The following PNPT1 variants were observed in gnomAD, a reference collection of about 807,000 sequenced individuals.
The protein encoded by PNPT1 is polyribonucleotide nucleotidyltransferase 1, mitochondrial.
Under a neutral mutation model 119.5 loss-of-function variants are expected in PNPT1, and 53 were observed. The ratio of observed to expected loss-of-function variants is 0.44; its 90% CI spans 0.36 to 0.56. The LOEUF is 0.56. PNPT1 is among the 20% of genes least tolerant of loss of function. The probability of loss-of-function intolerance (pLI) is 0.00; values close to 1 mark genes in which losing one functional copy is unlikely to be tolerated. For synonymous variants in PNPT1, 357 were observed against 322.1 expected, an observed-to-expected ratio of 1.11 and a Z score of -1.16; for missense variants, 948 against 938.5, an observed-to-expected ratio of 1.01 and a Z score of -0.13.
chr2:55,681,152 A>G lies in PNPT1; in HGVS notation c.454-234T>C, dbSNP rs138443830. Among the ~76,000 whole-genome samples the G allele has an allele frequency of 4.9e-3, 739 of 152,312 alleles. 13 individuals carry two copies. The East Asian group carries it at 0.06, about 12-fold the overall frequency. ...CCAGGCGTGGTGGCTCACGCCTGTA[A>G]TCTCAGCACTTTGGGAGGCTGAGGA... is the stretch of plus-strand genomic sequence containing the variant. On this transcript the variant is annotated intron_variant, in intron 5 of 27. Coordinates refer to ENST00000447944, the MANE Select transcript of PNPT1 (RefSeq NM_033109.5).
At chr2:55,677,766 G>C (rs1304876022) in intron 8 of PNPT1, among the ~76,000 whole-genome samples, 18 of 151,780 alleles carry the variant, frequency 1.2e-4, no homozygotes, top group Non-Finnish European at 2.4e-4. Context: ...TTGAGACAGA[G>C]TCTCGCTCTG....
In PNPT1 at chr2:55,659,010, G is replaced by A. The variant is rs142091451; in HGVS notation, c.1284+1147C>T. Among the ~76,000 whole-genome samples, 470 of 152,194 alleles carry A rather than the reference G, an allele frequency of 3.1e-3. 1 individual carries two copies. Among genetic ancestry groups the A allele is most frequent in the Non-Finnish European group, 5.0e-3 (339 of 68,006 alleles). On this transcript the variant is annotated intron_variant, in intron 15 of 27. Transcript: ENST00000447944. ...CACTCTGTTGCCCAGGCTGAAGTGCGGCGGAGTGATAATGGCTTGCTGCAT... is the reference window on the plus strand; with the variant it reads ...CACTCTGTTGCCCAGGCTGAAGTGCAGCGGAGTGATAATGGCTTGCTGCAT...
chr2:55,660,139 G>A lies in PNPT1; in HGVS notation c.1284+18C>T, dbSNP rs1559097529. ...ATTAATTTATTAATAAAATTTTGAG[G>A]AAAAAAATTCACCTTACCTCGTAGT... On this transcript the variant is annotated intron_variant, in intron 15 of 27. Transcript: ENST00000447944. 6.4e-7 allele frequency: 1 copy of A among 1,567,798 alleles called. No homozygotes were observed. The highest frequency in any genetic ancestry group is 2.3e-5 in the East Asian group (1 of 43,606).
Position 55,654,909 on chromosome 2 carries a change from T to C in PNPT1, c.1486A>G (p.Met496Val). 6.2e-7 allele frequency: 1 copy of C among 1,613,220 alleles called. No individual in the cohort carries two copies. Among genetic ancestry groups the C allele is most frequent in the Non-Finnish European group, 8.5e-7 (1 of 1,179,502 alleles). The stretch of plus-strand genomic sequence containing the variant: ...GACATAATTCTTTTACCTGAATCCA[T>C]TAATGCTAAACTTCCGCCACATGCA... ...ASACGGSLALMDSGVPISSAV... is the reference protein window; with the variant it reads ...ASACGGSLALVDSGVPISSAV... Residue 496 changes from methionine to valine, a missense_variant, in exon 18 of 28, where the codon ATG becomes GTG. Transcript: ENST00000447944.
intron 19 of PNPT1, among the ~76,000 whole-genome samples, chr2:55,646,764 C>T (rs904284072): frequency 1.3e-5 from 2 of 150,556 alleles, no homozygotes; most frequent in African/African-American, 2.4e-5. Flanking sequence ...ATTATGAATA[C>T]TTACACTGTG....
chr2:55,654,944 G>A lies in PNPT1; in HGVS notation c.1451C>T (p.Ser484Phe). ...ACTTCCGCCACATGCAGATGCCATA[G>A]AAGATGACCCTATAGAAAGAAAAAT... ...SEVLESNGSS[S>F]MASACGGSLA... Residue 484 changes from serine (S) to phenylalanine (F), a missense_variant, in exon 18 of 28, where the codon TCT becomes TTT. Coordinates refer to ENST00000447944, the MANE Select transcript of PNPT1 (RefSeq NM_033109.5). 1 of 1,613,148 alleles carries A rather than the reference G, an allele frequency of 6.2e-7. No homozygotes were observed. The highest frequency in any genetic ancestry group is 8.5e-7 in the Non-Finnish European group (1 of 1,179,500).
intron 23 of PNPT1, 46 bp downstream of exon 23, chr2:55,644,591 G>T (rs753496049): frequency 7.1e-7 from 1 of 1,398,830 alleles, no homozygotes; most frequent in South Asian, 1.2e-5. Context: ...AAACTTTTAT[G>T]GTCTAGCATT....
At chr2:55,672,067 T>C (rs764020803) in intron 9 of PNPT1, 21 bp from the exon 10 acceptor site, 25 of 1,556,366 alleles carry the variant, frequency 1.6e-5, no homozygotes, top group Non-Finnish European at 1.6e-5. Flanking sequence ...AGAAAATAAA[T>C]GTTAGCATAA....
intron 19 of PNPT1, among the ~76,000 whole-genome samples, 161 bp downstream of exon 19, chr2:55,647,186 G>A (rs747488082): frequency 6.6e-5 from 10 of 151,870 alleles, no homozygotes; most frequent in Non-Finnish European, 1.3e-4. Context: ...GAGGAGGAAG[G>A]GAAGAACAAG....
At position 55,654,842 on chromosome 2, in the gene PNPT1, C is replaced by T. The variant is rs1473143614; in HGVS notation, c.1495+58G>A. On this transcript the variant is annotated intron_variant, in intron 18 of 27. Coordinates refer to ENST00000447944, the MANE Select transcript of PNPT1 (RefSeq NM_033109.5). ...CCTCCTGCCTTGGCCTCCCAAGGCT[C>T]ATGCCTGGGATTACAGGCATGAGCA... 17 of 1,353,796 alleles carry T rather than the reference C, an allele frequency of 1.3e-5. No homozygotes were observed. The Admixed American group carries it at 2.9e-4, about 23-fold the overall frequency. The allele number at this position is 1,353,796 out of a possible 1,614,324, so 83.9% of individuals were successfully genotyped here. A position where few individuals can be genotyped will look rare whatever the true frequency, so the allele number is the denominator to read the frequency against.
At chr2:55,654,055 G>A (rs1400279322) in intron 18 of PNPT1, among the ~76,000 whole-genome samples, 1 of 152,066 alleles carries the variant, frequency 6.6e-6, no homozygotes, top group African/African-American at 2.4e-5. Context: ...TCAGGAGTTC[G>A]AGGTCAGCCT....
At chr2:55,687,543 A>T (rs1471980252) in intron 2 of PNPT1, 102 bp downstream of exon 2, 1 of 823,902 alleles carries the variant, frequency 1.2e-6, no homozygotes, top group Non-Finnish European at 1.9e-6. Context: ...ATTAATTTCC[A>T]GTACCAAAAT....
intron 26 of PNPT1, 53 bp downstream of exon 26, chr2:55,640,574 A>G (rs962728952): frequency 2.2e-6 from 3 of 1,388,786 alleles, no homozygotes; most frequent in Non-Finnish European, 3.1e-6. Flanking sequence ...TAATTTCAAT[A>G]CAGTGTTTCA....
At chr2:55,660,614 T>G (rs10496044) in intron 14 of PNPT1, among the ~76,000 whole-genome samples, 21,593 of 152,154 alleles carry the variant, frequency 0.14, 3,126 homozygotes, top group African/African-American at 0.37. Context: ...GATCATAAAC[T>G]GTAGCTTTGG....
intron 26 of PNPT1, among the ~76,000 whole-genome samples, chr2:55,638,917 G>A (rs957943514): frequency 6.6e-6 from 1 of 151,962 alleles, no homozygotes; most frequent in Admixed American, 6.6e-5. Context: ...TGGGATTACA[G>A]GTGCACGCCA....
At position 55,679,751 on chromosome 2, in the gene PNPT1, G is replaced by A; in HGVS notation, c.610C>T (p.Pro204Ser). 6.2e-7 allele frequency: 1 copy of A among 1,610,682 alleles called. No individual in the cohort carries two copies. The highest frequency in any genetic ancestry group is 2.2e-5 in the East Asian group (1 of 44,672). ...CTAGAAGACATTTCTTTTCTTGTTG[G>A]GTTAACAACATATTCTCCATCAATT... is the stretch of plus-strand genomic sequence containing the variant. ...GIIDGEYVVN[P>S]TRKEMSSSTL... is the part of the protein sequence containing the mutation. The change falls in exon 8 of 28, where the codon CCA becomes TCA. Residue 204 changes from proline (P) to serine (S), a missense_variant. Coordinates refer to ENST00000447944, the MANE Select transcript of PNPT1 (RefSeq NM_033109.5).
In PNPT1 at chr2:55,687,645, C is replaced by A; in HGVS notation, c.222G>T (p.Gln74His). 6.4e-7 allele frequency: 1 copy of A among 1,572,562 alleles called. No homozygotes were observed. Among genetic ancestry groups the A allele is most frequent in the Non-Finnish European group, 8.6e-7 (1 of 1,165,328 alleles). Residue 74 changes from glutamine (Q) to histidine (H), a missense_variant and splice_region_variant, in exon 2 of 28, where the codon CAG becomes CAT. Physicochemically the swap from Gln to His is conservative, Grantham distance 24. Coordinates refer to ENST00000447944, the MANE Select transcript of PNPT1 (RefSeq NM_033109.5). Reference protein sequence around the residue: ...ARFADGSAVVQSGDTAVMVTA... With the variant: ...ARFADGSAVVHSGDTAVMVTA... ...AATTTTAAAAATCTGGACTTTTTAC[C>A]TGTACTACAGCAGAGCCATCTGCAA...
chr2:55,638,887 G>C (rs530780255), intron 26 of PNPT1, among the ~76,000 whole-genome samples: 15 of 151,686 alleles, frequency 9.9e-5, no homozygotes, highest in Admixed American at 7.9e-4. Context: ...AGATTCTCCT[G>C]CCTCAGCCTC....
chr2:55,683,831 C>T lies in PNPT1; in HGVS notation c.407G>A (p.Arg136His), dbSNP rs746356243. ...AGCTGGAAAGAGCGGTCTAATTGAACGATCTGCCAAAAGAAAAAAAAACAC... is the reference window on the plus strand; with the variant it reads ...AGCTGGAAAGAGCGGTCTAATTGAATGATCTGCCAAAAGAAAAAAAAACAC... Reference protein sequence around the residue: ...KEILTSRIIDRSIRPLFPAGY... With the variant: ...KEILTSRIIDHSIRPLFPAGY... The change falls in exon 5 of 28, where the codon CGT becomes CAT. Residue 136 changes from arginine (R) to histidine (H), a missense_variant. By Grantham distance (29) the Arg-to-His change is conservative (BLOSUM62 0). Transcript: ENST00000447944. 9 of 1,613,248 alleles carry T rather than the reference C, an allele frequency of 5.6e-6. No homozygotes were observed. The Admixed American group carries it at 1.2e-4, about 21-fold the overall frequency.
Sources: allele counts gnomAD v4.1 joint callset (sites outside exome capture counted in the v4.1 genomes callset), GRCh38; gene constraint gnomAD v4.1.1; transcripts MANE v1.5; gene names NCBI Gene and HGNC (gene_info 2026-07-23, HGNC 2026-07-21).